The following GOLIM4 variants were observed in gnomAD, a reference collection of about 807,000 sequenced individuals.
The protein encoded by GOLIM4 is golgi integral membrane protein 4, also known as 130 kDa golgi-localized phosphoprotein.
A neutral mutation model predicts 107.4 loss-of-function variants in GOLIM4; 71 were observed. The observed-to-expected ratio is 0.66, with a 90% CI of 0.55 to 0.81. The LOEUF (loss-of-function observed/expected upper bound fraction) is 0.81. Ranked by LOEUF, GOLIM4 falls within the 30% of genes least tolerant of loss-of-function variation. The pLI is 0.00. For synonymous variants in GOLIM4, 327 were observed against 294.8 expected, an observed-to-expected ratio of 1.11 and a Z score of -1.12; for missense variants, 830 against 826.1, an observed-to-expected ratio of 1.00 and a Z score of -0.06.
Position 168,072,377 on chromosome 3 carries a change from TAAAAAA to T in GOLIM4, c.187+22716_187+22721del, listed in dbSNP as rs547225724. ...CCAACTTTGTAAAGAAGATGTGATTTAAAAAAAAAAAAAAAAAGGTTCTGAAAGATT... is the reference window on the plus strand; with the variant it reads ...CCAACTTTGTAAAGAAGATGTGATTTAAAAAAAAAAAGGTTCTGAAAGATT... On this transcript the variant is annotated intron_variant, in intron 1 of 15. Transcript: ENST00000470487. Among the ~76,000 whole-genome samples the T allele has an allele frequency of 8.4e-4, 109 of 130,044 alleles. No individual in the cohort carries two copies. The South Asian group carries it at 0.01, about 12-fold the overall frequency. The allele number at this position is 130,044 out of a possible 152,430, so 85.3% of individuals were successfully genotyped here.
In GOLIM4 at chr3:168,010,808, T is replaced by A. The variant is rs773128932; in HGVS notation, c.1876A>T (p.Thr626Ser). Residue 626 changes from threonine (T) to serine (S), a missense_variant, in exon 15 of 16, where the codon ACT becomes TCT. Thr to Ser is a moderately conservative substitution (Grantham distance 58, BLOSUM62 1). Transcript: ENST00000470487. Reference sequence around the variant, plus strand: ...TCCAGTTCCCTTTTTTTCTCTTCAGTCAAATCTTCCTGAACCTAAAACAAA... The same window carrying A: ...TCCAGTTCCCTTTTTTTCTCTTCAGACAAATCTTCCTGAACCTAAAACAAA... ...EAEEEVQEDLTEEKKRELEHN... is the reference protein window; with the variant it reads ...EAEEEVQEDLSEEKKRELEHN... The A allele has an allele frequency of 6.2e-7, 1 of 1,610,584 alleles. No homozygotes were observed. The highest frequency in any genetic ancestry group is 8.5e-7 in the Non-Finnish European group (1 of 1,177,518).
intron 1 of GOLIM4, among the ~76,000 whole-genome samples, chr3:168,094,431 G>GT (rs1201089216): frequency 6.6e-6 from 1 of 152,110 alleles, no homozygotes; most frequent in Non-Finnish European, 1.5e-5. Context: ...AAGTAAACCT[G>GT]TTTTTAAAGA....
intron 14 of GOLIM4, among the ~76,000 whole-genome samples, chr3:168,015,888 A>G (rs1484334196): frequency 7.5e-6 from 1 of 133,818 alleles, no homozygotes; most frequent in African/African-American, 4.0e-5. Flanking sequence ...ACAAAAATCA[A>G]GTCAAGATGG....
At chr3:168,056,396 G>A (rs1354805397) in intron 1 of GOLIM4, among the ~76,000 whole-genome samples, 6 of 152,244 alleles carry the variant, frequency 3.9e-5, no homozygotes, top group Admixed American at 6.5e-5. Flanking sequence ...CAGTGTGGAA[G>A]AGAAATGTGG....
chr3:168,055,510 G>C (rs1256285638), intron 1 of GOLIM4, among the ~76,000 whole-genome samples: 1 of 152,084 alleles, frequency 6.6e-6, no homozygotes, highest in African/African-American at 2.4e-5. Context: ...TTCAAGAGGT[G>C]ACTCAGGGCC....
intron 1 of GOLIM4, among the ~76,000 whole-genome samples, chr3:168,068,603 T>C (rs1720670519): frequency 6.6e-6 from 1 of 151,976 alleles, no homozygotes; most frequent in African/African-American, 2.4e-5. Flanking sequence ...GGAAGTTTCA[T>C]ATCTGTTCAT....
At chr3:168,032,992 C>T (rs1370838697) in intron 8 of GOLIM4, 140 bp from the exon 9 acceptor site, 2 of 653,042 alleles carry the variant, frequency 3.1e-6, no homozygotes, top group South Asian at 2.1e-5. Context: ...GGCTTTATGG[C>T]TGCAATGGAG....
chr3:168,026,819 G>A (rs2108223955), intron 12 of GOLIM4, among the ~76,000 whole-genome samples: 1 of 152,336 alleles, frequency 6.6e-6, no homozygotes, highest in South Asian at 2.1e-4. Flanking sequence ...CCACATCTCA[G>A]TGCAAGTTAA....
At chr3:168,024,124 G>A (rs867848768) in intron 14 of GOLIM4, among the ~76,000 whole-genome samples, 1 of 152,128 alleles carries the variant, frequency 6.6e-6, no homozygotes, top group African/African-American at 2.4e-5. Context: ...AGACACTATG[G>A]GGTATTCCTG....
intron 13 of GOLIM4, 110 bp downstream of exon 13, chr3:168,024,818 C>A: frequency 8.7e-7 from 1 of 1,151,598 alleles, no homozygotes; most frequent in Non-Finnish European, 1.3e-6. Flanking sequence ...TAAAAACCAC[C>A]GAAGTGGCAA....
Position 168,009,143 on chromosome 3 carries a change from T to A in GOLIM4, c.*1126A>T, listed in dbSNP as rs1185432056. ...TCCAAGGGAAGTTTCTGATTTTTAA[T>A]TTTCTTATTTTAAGGAATCTATTAT... On this transcript the variant is annotated 3_prime_UTR_variant, in exon 16 of 16. Coordinates refer to ENST00000470487, the MANE Select transcript of GOLIM4 (RefSeq NM_014498.5). 1.3e-5 allele frequency: 2 copies of A among 152,034 alleles called. No homozygotes were observed. Among genetic ancestry groups the A allele is most frequent in the African/African-American group, 4.8e-5 (2 of 41,442 alleles). 9.4% of individuals were successfully genotyped at this position (152,034 alleles called of 1,614,324 possible).
chr3:168,016,464 C>T (rs1346936937), intron 14 of GOLIM4, among the ~76,000 whole-genome samples: 7 of 131,726 alleles, frequency 5.3e-5, no homozygotes, highest in Non-Finnish European at 8.9e-5. Context: ...CTAGTTCAAC[C>T]ATTGTGGAAG....
intron 12 of GOLIM4, 109 bp from the exon 13 acceptor site, chr3:168,025,204 T>C (rs1717930277): frequency 4.8e-6 from 4 of 825,154 alleles, no homozygotes; most frequent in Non-Finnish European, 5.7e-6. Flanking sequence ...CTTCCCTCAA[T>C]TGTTCAGATC....
rs1553791594 is a variant in GOLIM4 at position 168,009,426 on chromosome 3, C to CAAAAAAA, written c.*842_*843insTTTTTTT. On this transcript the variant is annotated 3_prime_UTR_variant, in exon 16 of 16. Coordinates refer to ENST00000470487, the MANE Select transcript of GOLIM4 (RefSeq NM_014498.5). ...AAACAAGAATATCAATCAATGGCTTCAAACAAAAAAAAAAAAAAAAAATTG... is the reference window on the plus strand; with the variant it reads ...AAACAAGAATATCAATCAATGGCTTCAAAAAAAAAACAAAAAAAAAAAAAAAAAATTG... The CAAAAAAA allele has an allele frequency of 1.1e-4, 1 of 8,734 alleles. No individual in the cohort carries two copies. Among genetic ancestry groups the CAAAAAAA allele is most frequent in the Non-Finnish European group, 8.1e-4 (1 of 1,232 alleles). 0.5% of individuals were successfully genotyped at this position (8,734 alleles called of 1,614,324 possible).
At chr3:168,057,641 A>G (rs953396286) in intron 1 of GOLIM4, among the ~76,000 whole-genome samples, 16 of 152,176 alleles carry the variant, frequency 1.1e-4, no homozygotes, top group Non-Finnish European at 2.9e-5. Context: ...TGGGGATTAC[A>G]ATTCTAGATG....
At chr3:168,066,549 A>T (rs1720556991) in intron 1 of GOLIM4, among the ~76,000 whole-genome samples, 1 of 152,172 alleles carries the variant, frequency 6.6e-6, no homozygotes, top group African/African-American at 2.4e-5. Flanking sequence ...CCTTGCAGAT[A>T]ACCTGTCACT....
At chr3:168,061,539 T>C (rs893340344) in intron 1 of GOLIM4, among the ~76,000 whole-genome samples, 9 of 152,178 alleles carry the variant, frequency 5.9e-5, no homozygotes, top group Admixed American at 3.9e-4. Flanking sequence ...GCATTACTCA[T>C]AACAGCCCCA....
rs551898112 is a variant in GOLIM4 at position 168,086,042 on chromosome 3, G to A, written c.187+9057C>T. On this transcript the variant is annotated intron_variant, in intron 1 of 15. Coordinates refer to ENST00000470487, the MANE Select transcript of GOLIM4 (RefSeq NM_014498.5). ...GCATCTAGATTTTGAGGTGATGACC[G>A]CCTATACAGTAAAAAAAATTATTTT... Among the ~76,000 whole-genome samples the A allele has an allele frequency of 1.3e-4, 20 of 152,048 alleles. No homozygotes were observed. The South Asian group carries it at 3.3e-3, about 25-fold the overall frequency.
chr3:168,036,811 T>C (rs747433042), intron 8 of GOLIM4, 25 bp downstream of exon 8: 15 of 1,571,894 alleles, frequency 9.5e-6, no homozygotes, highest in East Asian at 2.3e-5. Context: ...GACCTAACCA[T>C]AGATTACCAG....
Sources: allele counts gnomAD v4.1 joint callset (sites outside exome capture counted in the v4.1 genomes callset), GRCh38; gene constraint gnomAD v4.1.1; transcripts MANE v1.5; gene names NCBI Gene and HGNC (gene_info 2026-07-23, HGNC 2026-07-21).